Variants in TRHDE observed in about 807,000 individuals in gnomAD.
TRHDE encodes thyrotropin releasing hormone degrading enzyme.
A neutral mutation model predicts 125.7 loss-of-function variants in TRHDE; 72 were observed. The observed-to-expected ratio is 0.57, with a 90% CI of 0.47 to 0.70. The LOEUF is 0.70. Ranked by LOEUF, TRHDE falls within the 30% of genes least tolerant of loss-of-function variation. The pLI is 0.00. For synonymous variants in TRHDE, 509 were observed against 509.1 expected (o/e 1.00, Z 0.00); for missense variants, 1,110 against 1,327.1 (o/e 0.84, Z 2.54).
At chr12:72,559,109 A>G (rs534491600) in intron 7 of TRHDE, among the ~76,000 whole-genome samples, 1 of 152,178 alleles carries the variant, frequency 6.6e-6, no homozygotes, top group Non-Finnish European at 1.5e-5. Context: ...TACGGTTTTC[A>G]TGTGCTGTGC....
At chr12:72,181,728 G>C (rs1439533393) in intron 2 of TRHDE, among the ~76,000 whole-genome samples, 4 of 151,974 alleles carry the variant, frequency 2.6e-5, no homozygotes, top group African/African-American at 9.7e-5. Flanking sequence ...GTCTTCATCA[G>C]GGCAGGTCTC....
intron 6 of TRHDE, among the ~76,000 whole-genome samples, chr12:72,525,030 G>A (rs372580504): frequency 6.6e-6 from 1 of 151,988 alleles, no homozygotes; most frequent in African/African-American, 2.4e-5. Flanking sequence ...ATTTTCCATG[G>A]AATCTTTTAA....
chr12:72,531,136 C>A (rs1868530073), intron 6 of TRHDE, among the ~76,000 whole-genome samples: 1 of 152,068 alleles, frequency 6.6e-6, no homozygotes, highest in Admixed American at 6.6e-5. Flanking sequence ...CTTATTATTG[C>A]TAAATTCTCA....
chr12:72,586,141 A>G (rs2136042311), intron 12 of TRHDE, among the ~76,000 whole-genome samples: 1 of 135,130 alleles, frequency 7.4e-6, no homozygotes, highest in East Asian at 2.8e-4. Context: ...TAGCAATGCT[A>G]TCATGATAAG....
chr12:72,312,533 A>G, intron 2 of TRHDE, among the ~76,000 whole-genome samples: 1 of 152,212 alleles, frequency 6.6e-6, no homozygotes, highest in Non-Finnish European at 1.5e-5. Flanking sequence ...TAATGCAACA[A>G]ATGATACTTC....
At chr12:72,246,617 T>C (rs1878580702) in intron 2 of TRHDE, among the ~76,000 whole-genome samples, 1 of 152,172 alleles carries the variant, frequency 6.6e-6, no homozygotes. Context: ...TAGCTCGATA[T>C]TGCTTCTGGC....
chr12:72,150,175 G>A (rs1303887107), intron 2 of TRHDE, among the ~76,000 whole-genome samples: 1 of 152,142 alleles, frequency 6.6e-6, no homozygotes, highest in Non-Finnish European at 1.5e-5. Context: ...AAAGAGTATT[G>A]TGTGGTTGAA....
At chr12:72,517,908 T>C (rs1878963757) in intron 6 of TRHDE, among the ~76,000 whole-genome samples, 1 of 152,194 alleles carries the variant, frequency 6.6e-6, no homozygotes, top group Non-Finnish European at 1.5e-5. Context: ...ATGTACCCAG[T>C]TGTCATTCAG....
At chr12:72,362,376 T>C (rs1408858244) in intron 2 of TRHDE, among the ~76,000 whole-genome samples, 2 of 150,104 alleles carry the variant, frequency 1.3e-5, no homozygotes, top group African/African-American at 4.9e-5. Context: ...GAGAAGTGTC[T>C]GTTCATGTCC....
intron 3 of TRHDE, among the ~76,000 whole-genome samples, chr12:72,393,658 G>T (rs1304458151): frequency 1.3e-5 from 2 of 152,050 alleles, no homozygotes; most frequent in Non-Finnish European, 2.9e-5. Context: ...ACAAATAAAT[G>T]ATCACAAAAA....
intron 7 of TRHDE, among the ~76,000 whole-genome samples, chr12:72,549,991 C>T (rs1869601372): frequency 6.6e-6 from 1 of 151,770 alleles, no homozygotes; most frequent in Non-Finnish European, 1.5e-5. Flanking sequence ...AATAATCCTG[C>T]AGGCATTTGT....
At chr12:72,446,122 G>A (rs1322532756) in intron 3 of TRHDE, among the ~76,000 whole-genome samples, 1 of 149,512 alleles carries the variant, frequency 6.7e-6, no homozygotes, top group Non-Finnish European at 1.5e-5. Flanking sequence ...TATCGATTCA[G>A]TGATGGGTGG....
intron 1 of TRHDE, 89 bp from the exon 2 acceptor site, chr12:72,286,592 A>G: frequency 8.0e-7 from 1 of 1,251,872 alleles, no homozygotes; most frequent in Non-Finnish European, 1.1e-6. Flanking sequence ...TTGGAATAAT[A>G]TATTATTTCA....
At chr12:72,630,344 G>A (rs1404450569) in intron 15 of TRHDE, among the ~76,000 whole-genome samples, 1 of 151,774 alleles carries the variant, frequency 6.6e-6, no homozygotes, top group Non-Finnish European at 1.5e-5. Context: ...GATACCGGGA[G>A]TAAGTCATGT....
intron 2 of TRHDE, among the ~76,000 whole-genome samples, chr12:72,182,512 T>C (rs1877114455): frequency 6.6e-6 from 1 of 152,198 alleles, no homozygotes; most frequent in South Asian, 2.1e-4. Flanking sequence ...GCTGGCTTCT[T>C]ACCTCTTACC....
chr12:72,322,888 G>C lies in TRHDE; in HGVS notation c.1188+35934G>C, dbSNP rs116805230. 9.5e-3 allele frequency among the ~76,000 whole-genome samples: 1,451 copies of C among 152,144 alleles called. 21 individuals carry two copies. The highest frequency in any genetic ancestry group is 0.032 in the African/African-American group (1,333 of 41,526). On this transcript the variant is annotated intron_variant, in intron 2 of 18. Transcript: ENST00000261180. Reference sequence around the variant, plus strand: ...ATAGGGGGTGCAGAAGCCTGGCTGGGGACTTAGCCTACCTAGGCTCTTGTC... The same window carrying C: ...ATAGGGGGTGCAGAAGCCTGGCTGGCGACTTAGCCTACCTAGGCTCTTGTC...
chr12:72,272,020 T>A, upstream of TRHDE: 1 of 456,906 alleles, frequency 2.2e-6, no homozygotes, highest in South Asian at 1.5e-5. This position sits in a 1 kb window ranked among gnomAD's most constrained non-coding sequence, Gnocchi z 6.7. Flanking sequence ...TGGGACTTCC[T>A]CCTGCTGGTT....
chr12:72,120,350 A>C (rs1875549066), intron 2 of TRHDE, among the ~76,000 whole-genome samples: 1 of 151,052 alleles, frequency 6.6e-6, no homozygotes, highest in Non-Finnish European at 1.5e-5. Flanking sequence ...TGCCTGGCTT[A>C]CTCTTTCCAT....
intron 7 of TRHDE, among the ~76,000 whole-genome samples, chr12:72,547,852 C>T (rs1457543059): frequency 2.0e-5 from 3 of 151,768 alleles, no homozygotes; most frequent in African/African-American, 7.2e-5. Flanking sequence ...TGGCAATAAC[C>T]AGAAACTGTC....
Sources: allele counts gnomAD v4.1 joint callset (sites outside exome capture counted in the v4.1 genomes callset), GRCh38; gene constraint gnomAD v4.1.1; non-coding constraint Gnocchi (gnomAD v3.1); transcripts MANE v1.5; gene names NCBI Gene and HGNC (gene_info 2026-07-23, HGNC 2026-07-21).